Variants in DEK observed in about 807,000 individuals in gnomAD.
DEK encodes protein DEK.
DEK carries 28 observed loss-of-function variants against 46.8 expected under a neutral mutation model. That is an observed-to-expected ratio of 0.60 (90% CI 0.44 to 0.82). The LOEUF (loss-of-function observed/expected upper bound fraction) is 0.82, where lower values mean the gene tolerates loss of function less well. Ranked by LOEUF, DEK falls within the 40% of genes least tolerant of loss-of-function variation. The probability of loss-of-function intolerance (pLI) is 0.00; values close to 1 mark genes in which losing one functional copy is unlikely to be tolerated. For missense variants in DEK, 416 were observed against 430.6 expected (o/e 0.97, Z 0.30); for synonymous variants, 160 against 144.5 (o/e 1.11, Z -0.77).
At chr6:18,259,175 A>G (rs1185411783) in intron 2 of DEK, among the ~76,000 whole-genome samples, 1 of 147,102 alleles carries the variant, frequency 6.8e-6, no homozygotes, top group Non-Finnish European at 1.5e-5. Flanking sequence ...ATCCTGGCTA[A>G]CTCAGTCAGG....
intron 9 of DEK, among the ~76,000 whole-genome samples, chr6:18,234,368 T>G (rs1229152025): frequency 1.3e-5 from 2 of 152,082 alleles, no homozygotes; most frequent in African/African-American, 4.8e-5. Context: ...AAAAATTGTT[T>G]GCCCCTTGTT....
chr6:18,243,818 C>A (rs970736060), intron 7 of DEK, among the ~76,000 whole-genome samples: 7 of 152,140 alleles, frequency 4.6e-5, no homozygotes, highest in Non-Finnish European at 8.8e-5. Flanking sequence ...AGCCAGTGGG[C>A]AACAGAGCAA....
At chr6:18,259,423 A>ATAAAT (rs1335015786) in intron 2 of DEK, among the ~76,000 whole-genome samples, 2 of 140,538 alleles carry the variant, frequency 1.4e-5, no homozygotes, top group African/African-American at 2.6e-5. Flanking sequence ...AAAAAAAAAA[A>ATAAAT]AAAAAAAAAA....
chr6:18,243,113 A>G (rs1277176802), intron 7 of DEK, among the ~76,000 whole-genome samples: 1 of 152,208 alleles, frequency 6.6e-6, no homozygotes, highest in East Asian at 1.9e-4. Context: ...GACTACTGTG[A>G]AGAGAAAGCA....
intron 9 of DEK, among the ~76,000 whole-genome samples, chr6:18,233,925 T>A (rs557334572): frequency 6.6e-6 from 1 of 152,074 alleles, no homozygotes; most frequent in Non-Finnish European, 1.5e-5. Context: ...CTATTCACAA[T>A]AGCAAAGACT....
In DEK at chr6:18,263,920, G is replaced by C. The variant is rs564856859; in HGVS notation, c.68C>G (p.Pro23Arg). Residue 23 changes from proline (P) to arginine (R), a missense_variant, in exon 2 of 11, where the codon CCC (proline) becomes CGC (arginine). Pro to Arg is a moderately radical substitution (Grantham distance 103). Coordinates refer to ENST00000652689, the MANE Select transcript of DEK (RefSeq NM_003472.4). ...TPTQPASEKEPEMPGPREESE... is the reference protein window; with the variant it reads ...TPTQPASEKEREMPGPREESE... Reference sequence around the variant, plus strand: ...CTCCTCTCTGGGACCGGGCATTTCGGGTTCTTTCTCGGACGCGGGCTGGGT... The same window carrying C: ...CTCCTCTCTGGGACCGGGCATTTCGCGTTCTTTCTCGGACGCGGGCTGGGT... 1.2e-6 allele frequency: 2 copies of C among 1,612,110 alleles called. No individual in the cohort carries two copies. The highest frequency in any genetic ancestry group is 3.3e-5 in the Admixed American group (2 of 59,706).
At position 18,260,917 on chromosome 6, in the gene DEK, CAG is replaced by C. The variant is rs908981018; in HGVS notation, c.146-2514_146-2513del. Among the ~76,000 whole-genome samples the C allele has an allele frequency of 1.5e-4, 22 of 146,232 alleles. No individual in the cohort carries two copies. In the Admixed American group the frequency reaches 1.5e-3, roughly 10 times the overall value. ...GAGAGGATTGCTTGAGCCTGGGAGG[CAG>C]AGTTTGCAGTGAGCTGAGATCATGT... On this transcript the variant is annotated intron_variant, in intron 2 of 10. Coordinates refer to ENST00000652689, the MANE Select transcript of DEK (RefSeq NM_003472.4).
At chr6:18,250,361 C>T (rs1459961834) in intron 6 of DEK, among the ~76,000 whole-genome samples, 1 of 151,726 alleles carries the variant, frequency 6.6e-6, no homozygotes, top group Non-Finnish European at 1.5e-5. Context: ...CCCAGCTACT[C>T]GGGAGGCTGA....
intron 9 of DEK, among the ~76,000 whole-genome samples, chr6:18,232,113 C>T (rs1211184939): frequency 6.6e-6 from 1 of 152,120 alleles, no homozygotes; most frequent in Non-Finnish European, 1.5e-5. Flanking sequence ...AAGACAAAAA[C>T]CACAAGATTA....
intron 6 of DEK, among the ~76,000 whole-genome samples, chr6:18,254,753 A>T (rs1039300571): frequency 6.6e-6 from 1 of 152,224 alleles, no homozygotes; most frequent in Non-Finnish European, 1.5e-5. Flanking sequence ...AAAAAGTACA[A>T]GTATAGCTAT....
intron 10 of DEK, 41 bp from the exon 11 acceptor site, chr6:18,225,771 AC>A: frequency 6.2e-7 from 1 of 1,608,806 alleles, no homozygotes; most frequent in Non-Finnish European, 8.5e-7. Context: ...TAAATCATAA[AC>A]CTTTATCCCA....
At position 18,236,422 on chromosome 6, in the gene DEK, G is replaced by C. The variant is rs760566685; in HGVS notation, c.1047+30C>G. 5.6e-6 allele frequency: 9 copies of C among 1,598,010 alleles called. No homozygotes were observed. The South Asian group carries it at 9.0e-5, about 16-fold the overall frequency. Reference sequence around the variant, plus strand: ...AAGTGAAAGAATTTTTCTAGCAAAAGCAAAATAATCTAAACATTTGTCTAA... The same window carrying C: ...AAGTGAAAGAATTTTTCTAGCAAAACCAAAATAATCTAAACATTTGTCTAA... On this transcript the variant is annotated intron_variant, in intron 9 of 10. Coordinates refer to ENST00000652689, the MANE Select transcript of DEK (RefSeq NM_003472.4).
intron 9 of DEK, among the ~76,000 whole-genome samples, chr6:18,234,525 C>G (rs1790565811): frequency 6.6e-6 from 1 of 152,086 alleles, no homozygotes; most frequent in Non-Finnish European, 1.5e-5. Context: ...AGGCTCCTCC[C>G]CCTGGAGCTC....
intron 6 of DEK, among the ~76,000 whole-genome samples, chr6:18,252,605 C>T (rs754111515): frequency 6.1e-5 from 9 of 147,486 alleles, no homozygotes; most frequent in Non-Finnish European, 1.3e-4. Flanking sequence ...GAAAAACTGA[C>T]ATAAGAGTTA....
In DEK at chr6:18,258,080, TCA is replaced by T. The variant is rs773922758; in HGVS notation, c.248-20_248-19del. The T allele has an allele frequency of 2.1e-6, 3 of 1,434,586 alleles. No homozygotes were observed. In the South Asian group the frequency reaches 3.7e-5, roughly 18 times the overall value. The allele number at this position is 1,434,586 out of a possible 1,614,324, so 88.9% of individuals were successfully genotyped here. A position where few individuals can be genotyped will look rare whatever the true frequency, so the allele number is the denominator to read the frequency against. On this transcript the variant is annotated intron_variant, in intron 3 of 10. Coordinates refer to ENST00000652689, the MANE Select transcript of DEK (RefSeq NM_003472.4). Reference sequence around the variant, plus strand: ...CCCCTTTCCTGGGGAAAAAAAAAAATCACAATTAAATACCTATGGCTTACTAA... The same window carrying T: ...CCCCTTTCCTGGGGAAAAAAAAAAATCAATTAAATACCTATGGCTTACTAA...
rs1217270154 is a variant in DEK at position 18,242,355 on chromosome 6, C to T, written c.763-4839G>A. Among the ~76,000 whole-genome samples the T allele has an allele frequency of 1.1e-4, 16 of 152,190 alleles. 1 individual carries two copies. The highest frequency in any genetic ancestry group is 2.4e-5 in the African/African-American group (1 of 41,454). On this transcript the variant is annotated intron_variant, in intron 7 of 10. Coordinates refer to ENST00000652689, the MANE Select transcript of DEK (RefSeq NM_003472.4). The stretch of plus-strand genomic sequence containing the variant: ...CCAGCCTGGGCAACAAAGCAAGACT[C>T]TGTCTCAAAAAAGAAGAAAGAATAA...
chr6:18,255,691 G>T, intron 6 of DEK, 40 bp downstream of exon 6: 1 of 1,575,896 alleles, frequency 6.3e-7, no homozygotes. Context: ...AAGAGGCTAT[G>T]AATAACTGAT....
At chr6:18,253,806 C>T (rs1479756128) in intron 6 of DEK, among the ~76,000 whole-genome samples, 1 of 152,036 alleles carries the variant, frequency 6.6e-6, no homozygotes, top group Non-Finnish European at 1.5e-5. Flanking sequence ...CAGCACTGAC[C>T]TCCTGAGTTC....
rs184447098 is a variant in DEK at position 18,225,744 on chromosome 6, G to A, written c.1117-14C>T. The stretch of plus-strand genomic sequence containing the variant: ...TCAAGAAATTAGCTGTAATGAAAGA[G>A]AAACATTATTTTGCCATAAATCATA... On this transcript the variant is annotated splice_polypyrimidine_tract_variant and intron_variant, in intron 10 of 10. Coordinates refer to ENST00000652689, the MANE Select transcript of DEK (RefSeq NM_003472.4). 4.6e-3 allele frequency: 7,449 copies of A among 1,612,550 alleles called. 16 individuals carry two copies. The highest frequency in any genetic ancestry group is 5.8e-3 in the Non-Finnish European group (6,788 of 1,179,140).
Sources: allele counts gnomAD v4.1 joint callset (sites outside exome capture counted in the v4.1 genomes callset), GRCh38; gene constraint gnomAD v4.1.1; transcripts MANE v1.5; gene names NCBI Gene and HGNC (gene_info 2026-07-23, HGNC 2026-07-21).